SGCZ: variants seen among roughly 807,000 people sequenced by gnomAD.
SGCZ encodes the protein sarcoglycan zeta.
SGCZ carries 40 observed loss-of-function variants against 41.3 expected under a neutral mutation model. The observed-to-expected ratio is 0.97, with a 90% CI of 0.75 to 1.26. The LOEUF (loss-of-function observed/expected upper bound fraction) is 1.26. Among genes scored for constraint, SGCZ ranks in the 50% most tolerant of loss-of-function variants. The probability of loss-of-function intolerance (pLI) is 0.00; values close to 1 mark genes in which losing one functional copy is unlikely to be tolerated. For synonymous variants in SGCZ, 206 were observed against 137.5 expected (o/e 1.50, Z -3.49); for missense variants, 552 against 369.8 (o/e 1.49, Z -4.04).
intron 1 of SGCZ, among the ~76,000 whole-genome samples, chr8:15,055,535 A>T (rs1311123363): frequency 6.6e-6 from 1 of 152,220 alleles, no homozygotes; most frequent in African/African-American, 2.4e-5. Context: ...GAGTAGCATT[A>T]CTGGTTTACA....
At chr8:15,165,752 T>C (rs1022451227) in intron 1 of SGCZ, among the ~76,000 whole-genome samples, 14 of 152,156 alleles carry the variant, frequency 9.2e-5, no homozygotes, top group Admixed American at 9.2e-4. Flanking sequence ...GTTAAAGTAT[T>C]TTGAGTTAGG....
rs560669563 is a variant in SGCZ at position 14,818,410 on chromosome 8, G to A, written c.40-263484C>T. ...AAGAAACTGCACAGAGACCACAGAGGCTAGCCAGAACCAAAACCAACATAC... is the reference window on the plus strand; with the variant it reads ...AAGAAACTGCACAGAGACCACAGAGACTAGCCAGAACCAAAACCAACATAC... On this transcript the variant is annotated intron_variant, in intron 1 of 7. Coordinates refer to ENST00000382080, the MANE Select transcript of SGCZ (RefSeq NM_139167.4). Among the ~76,000 whole-genome samples the A allele has an allele frequency of 3.3e-5, 5 of 152,242 alleles. No individual in the cohort carries two copies. The South Asian group carries it at 1.0e-3, about 32-fold the overall frequency.
At position 14,642,787 on chromosome 8, in the gene SGCZ, T is replaced by C. The variant is rs974714630; in HGVS notation, c.40-87861A>G. On this transcript the variant is annotated intron_variant, in intron 1 of 7. Coordinates refer to ENST00000382080, the MANE Select transcript of SGCZ (RefSeq NM_139167.4). Reference sequence around the variant, plus strand: ...AAATAATATATATATCTAAGCAAAGTAATACAAAATGGCACTGACTTTTTG... The same window carrying C: ...AAATAATATATATATCTAAGCAAAGCAATACAAAATGGCACTGACTTTTTG... Among the ~76,000 whole-genome samples, 3 of 151,688 alleles carry C rather than the reference T, an allele frequency of 2.0e-5. 1 individual carries two copies. In the Middle Eastern group the frequency reaches 0.01, roughly 516 times the overall value.
At chr8:15,024,335 T>C (rs1476604694) in intron 1 of SGCZ, among the ~76,000 whole-genome samples, 2 of 152,220 alleles carry the variant, frequency 1.3e-5, no homozygotes, top group African/African-American at 2.4e-5. Context: ...AATTTGTTTA[T>C]AGAAGCATAA....
intron 1 of SGCZ, among the ~76,000 whole-genome samples, chr8:14,597,085 A>C (rs2117301465): frequency 6.6e-6 from 1 of 152,306 alleles, no homozygotes; most frequent in Non-Finnish European, 1.5e-5. Context: ...ACTAGAAGCA[A>C]CTATGAACTG....
intron 7 of SGCZ, among the ~76,000 whole-genome samples, chr8:14,094,666 G>C (rs1801788524): frequency 6.6e-6 from 1 of 152,090 alleles, no homozygotes; most frequent in Non-Finnish European, 1.5e-5. Context: ...CGGGATTGAT[G>C]GGTCAAATGG....
chr8:14,136,263 C>T (rs983917481), intron 5 of SGCZ, among the ~76,000 whole-genome samples: 25 of 152,260 alleles, frequency 1.6e-4, no homozygotes, highest in South Asian at 4.1e-4. Context: ...TTCTGCATTT[C>T]CAACTGAGGT....
intron 2 of SGCZ, among the ~76,000 whole-genome samples, chr8:14,371,777 T>C (rs140488484): frequency 0.02 from 3,038 of 152,168 alleles, 81 homozygotes; most frequent in African/African-American, 0.056. Flanking sequence ...GGGTGACAAA[T>C]AAAAATTAGG....
intron 1 of SGCZ, among the ~76,000 whole-genome samples, chr8:14,709,157 A>G (rs913632380): frequency 6.6e-6 from 1 of 152,172 alleles, no homozygotes; most frequent in Admixed American, 6.5e-5. Context: ...CATGATCTAA[A>G]AGCATCTTAC....
intron 1 of SGCZ, among the ~76,000 whole-genome samples, chr8:14,806,726 T>C (rs925729972): frequency 2.6e-5 from 4 of 152,160 alleles, no homozygotes; most frequent in Non-Finnish European, 5.9e-5. Flanking sequence ...CCCTAACTCA[T>C]TTTAGGGAGT....
intron 1 of SGCZ, among the ~76,000 whole-genome samples, chr8:14,727,363 T>C (rs974892909): frequency 6.6e-5 from 10 of 152,296 alleles, no homozygotes; most frequent in African/African-American, 2.4e-4. Flanking sequence ...AAAATGAAAA[T>C]ACTATTCATT....
chr8:15,119,297 G>A (rs1043145785), intron 1 of SGCZ, among the ~76,000 whole-genome samples: 3 of 152,126 alleles, frequency 2.0e-5, no homozygotes, highest in Non-Finnish European at 2.9e-5. Flanking sequence ...TTGGGAGGCC[G>A]AGGTGGGTGG....
At chr8:14,819,318 T>G (rs1336088243) in intron 1 of SGCZ, among the ~76,000 whole-genome samples, 4 of 152,132 alleles carry the variant, frequency 2.6e-5, no homozygotes, top group Admixed American at 1.3e-4. Context: ...AGGTCTTTAC[T>G]TTTCCTTCAT....
At chr8:15,096,059 T>C (rs1281758405) in intron 1 of SGCZ, among the ~76,000 whole-genome samples, 4 of 151,940 alleles carry the variant, frequency 2.6e-5, no homozygotes, top group African/African-American at 9.7e-5. Context: ...CGAGAAGTAG[T>C]TTCTTTTTTA....
chr8:15,178,192 C>A (rs967411), intron 1 of SGCZ, among the ~76,000 whole-genome samples: 47,958 of 151,930 alleles, frequency 0.32, 8,346 homozygotes, highest in East Asian at 0.47. Context: ...CCTCCACAAC[C>A]ATTTCTTTTT....
chr8:14,460,180 T>C (rs1800861752), intron 2 of SGCZ, among the ~76,000 whole-genome samples: 1 of 152,202 alleles, frequency 6.6e-6, no homozygotes, highest in African/African-American at 2.4e-5. Context: ...GCAACTTTTC[T>C]GTAAATATAA....
intron 1 of SGCZ, among the ~76,000 whole-genome samples, chr8:14,587,849 T>C (rs1436857147): frequency 6.6e-6 from 1 of 152,154 alleles, no homozygotes; most frequent in African/African-American, 2.4e-5. Context: ...AGTTTTGCTA[T>C]TTGGGTTTAC....
In SGCZ at chr8:14,764,904, C is replaced by A. The variant is rs188577061; in HGVS notation, c.40-209978G>T. The stretch of plus-strand genomic sequence containing the variant: ...AAAGAGTCATAATGTTTACATCTTA[C>A]TTTTAAATGGTTGAACAACAGCAAA... On this transcript the variant is annotated intron_variant, in intron 1 of 7. Coordinates refer to ENST00000382080, the MANE Select transcript of SGCZ (RefSeq NM_139167.4). Among the ~76,000 whole-genome samples the A allele has an allele frequency of 5.8e-4, 89 of 152,214 alleles. 3 individuals carry two copies. The highest frequency in any genetic ancestry group is 2.0e-3 in the African/African-American group (83 of 41,540).
intron 3 of SGCZ, among the ~76,000 whole-genome samples, chr8:14,305,293 A>C (rs1167043175): frequency 1.3e-5 from 2 of 152,214 alleles, no homozygotes; most frequent in African/African-American, 4.8e-5. Context: ...ATTAACATTA[A>C]TGCCACAGAA....
Sources: gnomAD v4.1 joint callset for allele counts (sites outside exome capture counted in the v4.1 genomes callset) on GRCh38, gnomAD v4.1.1 for gene constraint, MANE v1.5 for transcripts, NCBI Gene and HGNC (gene_info 2026-07-23, HGNC 2026-07-21) for gene names.